TRDN: variants seen among roughly 807,000 people sequenced by gnomAD.
TRDN encodes the protein triadin.
In TRDN, 161 loss-of-function variants were observed where a neutral mutation model predicts 149.7. The ratio of observed to expected loss-of-function variants is 1.08; its 90% CI spans 0.95 to 1.23. TRDN has a LOEUF of 1.23. Ranked by LOEUF, TRDN falls within the 50% of genes most tolerant of loss-of-function variation. The pLI, the probability that TRDN is intolerant of heterozygous loss-of-function variation, is 0.00. For synonymous variants in TRDN, 294 were observed against 250.5 expected (o/e 1.17, Z -1.64); for missense variants, 896 against 823.5 (o/e 1.09, Z -1.08).
At chr6:123,401,167 A>G (rs552722228) in intron 12 of TRDN, among the ~76,000 whole-genome samples, 2 of 152,352 alleles carry the variant, frequency 1.3e-5, no homozygotes, top group African/African-American at 4.8e-5. Context: ...CTACAGTTCT[A>G]TAGATGTCAA....
At position 123,265,347 on chromosome 6, in the gene TRDN, G is replaced by T; in HGVS notation, c.1784-9C>A. 1 of 1,383,122 alleles carries T rather than the reference G, an allele frequency of 7.2e-7. No individual in the cohort carries two copies. Among genetic ancestry groups the T allele is most frequent in the Non-Finnish European group, 9.6e-7 (1 of 1,037,648 alleles). The allele number at this position is 1,383,122 out of a possible 1,614,324, so 85.7% of individuals were successfully genotyped here. On this transcript the variant is annotated splice_polypyrimidine_tract_variant and intron_variant, in intron 32 of 40. Coordinates refer to ENST00000334268, the MANE Select transcript of TRDN (RefSeq NM_006073.4). ...AGTTGGTTTTGGTTTGTCTAAAAAG[G>T]AAAAAAGAAAAAAAAAGAAAATGAG...
At chr6:123,581,592 T>C (rs374852595) in intron 1 of TRDN, among the ~76,000 whole-genome samples, 1 of 152,116 alleles carries the variant, frequency 6.6e-6, no homozygotes, top group South Asian at 2.1e-4. Flanking sequence ...TGACCTCTAA[T>C]CCAAGAAATA....
In TRDN at chr6:123,446,646, C is replaced by T. The variant is rs1159336478; in HGVS notation, c.932-7643G>A. Among the ~76,000 whole-genome samples, 3 of 148,884 alleles carry T rather than the reference C, an allele frequency of 2.0e-5. No homozygotes were observed. The East Asian group carries it at 5.9e-4, about 29-fold the overall frequency. On this transcript the variant is annotated intron_variant, in intron 10 of 40. Coordinates refer to ENST00000334268, the MANE Select transcript of TRDN (RefSeq NM_006073.4). ...CCTAGTGAGGCCAGAGTAGAGGACT[C>T]AGGAGGGGAGTGTTGAGTGCTGCAG...
At chr6:123,601,341 G>T (rs925879674) in intron 1 of TRDN, among the ~76,000 whole-genome samples, 1 of 152,104 alleles carries the variant, frequency 6.6e-6, no homozygotes, top group African/African-American at 2.4e-5. Flanking sequence ...ACAGGTTAAA[G>T]AAACTCAGAG....
chr6:123,418,752 C>T (rs1033684841), intron 12 of TRDN, among the ~76,000 whole-genome samples: 11 of 152,088 alleles, frequency 7.2e-5, no homozygotes, highest in Non-Finnish European at 1.6e-4. Flanking sequence ...AAGCCTGAAA[C>T]GATGAGGGTT....
chr6:123,226,131 G>A (rs534379297), intron 38 of TRDN, among the ~76,000 whole-genome samples: 1 of 151,814 alleles, frequency 6.6e-6, no homozygotes, highest in Non-Finnish European at 1.5e-5. Flanking sequence ...GATCTGGTCA[G>A]TTGTAAATAA....
chr6:123,386,317 A>G (rs922352810), intron 14 of TRDN, among the ~76,000 whole-genome samples: 1 of 152,220 alleles, frequency 6.6e-6, no homozygotes, highest in African/African-American at 2.4e-5. Flanking sequence ...ATGAATGTTC[A>G]TAGAAGGAAA....
intron 10 of TRDN, among the ~76,000 whole-genome samples, chr6:123,460,682 G>A (rs1776397871): frequency 6.6e-6 from 1 of 151,620 alleles, no homozygotes; most frequent in Admixed American, 6.6e-5. Context: ...TCTCACTGAG[G>A]AGCTAAGGTA....
intron 9 of TRDN, chr6:123,470,867 T>C (rs1777112404): frequency 6.6e-6 from 1 of 152,186 alleles, no homozygotes. Flanking sequence ...TGTAAACTCA[T>C]TCATTCATGC....
intron 23 of TRDN, among the ~76,000 whole-genome samples, chr6:123,328,682 C>G (rs1779553907): frequency 1.3e-5 from 2 of 152,090 alleles, no homozygotes; most frequent in African/African-American, 4.8e-5. Context: ...AGTTTATTTT[C>G]TCCACTTTCC....
At chr6:123,554,793 T>C (rs964209776) in intron 2 of TRDN, among the ~76,000 whole-genome samples, 4 of 152,158 alleles carry the variant, frequency 2.6e-5, no homozygotes, top group African/African-American at 4.8e-5. Context: ...AGTATATGCA[T>C]AAAACAATGC....
chr6:123,388,062 T>TGTTTC, intron 14 of TRDN, among the ~76,000 whole-genome samples: 1 of 149,048 alleles, frequency 6.7e-6, no homozygotes, highest in Non-Finnish European at 1.5e-5. Context: ...AAGCGGTATA[T>TGTTTC]AAGCCAGAAA....
intron 12 of TRDN, among the ~76,000 whole-genome samples, chr6:123,429,862 A>G (rs1774260403): frequency 6.6e-6 from 1 of 152,208 alleles, no homozygotes; most frequent in South Asian, 2.1e-4. Flanking sequence ...AAGACCTGCT[A>G]AAAATTCTTG....
intron 25 of TRDN, 95 bp from the exon 26 acceptor site, chr6:123,278,442 A>G (rs1261928114): frequency 1.3e-5 from 10 of 796,442 alleles, no homozygotes; most frequent in Non-Finnish European, 1.2e-5. Flanking sequence ...ATTATTTTCT[A>G]TGTTATTCAT....
intron 24 of TRDN, among the ~76,000 whole-genome samples, chr6:123,280,580 T>C (rs1195829363): frequency 6.6e-6 from 1 of 152,042 alleles, no homozygotes; most frequent in Non-Finnish European, 1.5e-5. Flanking sequence ...TCTATCTAGA[T>C]GTTCTTTGAC....
intron 12 of TRDN, among the ~76,000 whole-genome samples, chr6:123,431,267 T>C (rs1774329070): frequency 6.6e-6 from 1 of 152,178 alleles, no homozygotes; most frequent in Non-Finnish European, 1.5e-5. Context: ...TGGGAAATAC[T>C]GATTAAACCA....
At chr6:123,574,857 C>CATATATATATAT (rs1162190609) in intron 1 of TRDN, among the ~76,000 whole-genome samples, 70 of 50,520 alleles carry the variant, frequency 1.4e-3, no homozygotes, top group Non-Finnish European at 1.9e-3. Context: ...TTTATATATA[C>CATATATATATAT]ATATATATAT....
At chr6:123,578,444 T>C (rs1049597842) in intron 1 of TRDN, among the ~76,000 whole-genome samples, 14 of 152,156 alleles carry the variant, frequency 9.2e-5, no homozygotes, top group African/African-American at 3.4e-4. Flanking sequence ...TTGTCAGCTT[T>C]GTCGAAGATC....
chr6:123,558,709 C>T (rs1046246346), intron 2 of TRDN, among the ~76,000 whole-genome samples: 3 of 152,190 alleles, frequency 2.0e-5, no homozygotes, highest in Non-Finnish European at 4.4e-5. Flanking sequence ...CCTCAAACCC[C>T]ACAACAGGAC....
Sources: allele counts gnomAD v4.1 joint callset (sites outside exome capture counted in the v4.1 genomes callset), GRCh38; gene constraint gnomAD v4.1.1; transcripts MANE v1.5; gene names NCBI Gene and HGNC (gene_info 2026-07-23, HGNC 2026-07-21).